The following NLGN1 variants were observed in gnomAD, a reference collection of about 807,000 sequenced individuals.
NLGN1 encodes neuroligin 1, also known as neuroligin-1.
In NLGN1, 12 loss-of-function variants were observed where a neutral mutation model predicts 65.5. That is an observed-to-expected ratio of 0.18 (90% CI 0.12 to 0.30). NLGN1 has a LOEUF of 0.30. NLGN1 is among the 10% of genes least tolerant of loss of function. The pLI is 1.00. For synonymous variants in NLGN1, 350 were observed against 359.5 expected, an observed-to-expected ratio of 0.97 and a Z score of 0.30; for missense variants, 750 against 1,007.1, an observed-to-expected ratio of 0.74 and a Z score of 3.46.
intron 2 of NLGN1, among the ~76,000 whole-genome samples, chr3:173,480,680 T>G (rs1727133534): frequency 6.6e-6 from 1 of 152,126 alleles, no homozygotes; most frequent in Admixed American, 6.6e-5. Flanking sequence ...CTCTAGGTAA[T>G]TCAACTAGGT....
intron 3 of NLGN1, among the ~76,000 whole-genome samples, chr3:173,731,104 T>G (rs1056294887): frequency 1.1e-4 from 16 of 152,090 alleles, no homozygotes; most frequent in African/African-American, 3.9e-4. Flanking sequence ...ACATAGAGTC[T>G]TAGATGACAA....
chr3:173,422,954 A>G (rs1715389119), intron 1 of NLGN1, among the ~76,000 whole-genome samples: 2 of 152,180 alleles, frequency 1.3e-5, no homozygotes, highest in African/African-American at 4.8e-5. Context: ...CGTAATTTAT[A>G]AAGGAATTCT....
intron 4 of NLGN1, among the ~76,000 whole-genome samples, chr3:174,269,993 G>C (rs979263377): frequency 3.3e-5 from 5 of 151,512 alleles, no homozygotes; most frequent in African/African-American, 1.2e-4. Flanking sequence ...CTATTTAAGT[G>C]CTTTGCCCAT....
intron 2 of NLGN1, among the ~76,000 whole-genome samples, chr3:173,579,171 G>A (rs1746000628): frequency 6.6e-6 from 1 of 152,186 alleles, no homozygotes; most frequent in South Asian, 2.1e-4. Flanking sequence ...TTTCAAAAGT[G>A]GCAGTCTCAT....
At chr3:173,592,314 C>T (rs142221286) in intron 2 of NLGN1, among the ~76,000 whole-genome samples, 154 of 152,260 alleles carry the variant, frequency 1.0e-3, no homozygotes, top group African/African-American at 3.0e-3. Context: ...AATATTTCGC[C>T]ATTAGTTGTA....
intron 3 of NLGN1, among the ~76,000 whole-genome samples, chr3:173,639,184 C>A (rs78873692): frequency 0.049 from 7,428 of 152,242 alleles, 401 homozygotes; most frequent in African/African-American, 0.12. Flanking sequence ...AATATTCAAG[C>A]AATAAACAAT....
intron 2 of NLGN1, among the ~76,000 whole-genome samples, chr3:173,548,895 C>T (rs1394137078): frequency 6.6e-6 from 1 of 151,878 alleles, no homozygotes; most frequent in Non-Finnish European, 1.5e-5. Context: ...CACGGTACCA[C>T]TAAAAAATAA....
intron 4 of NLGN1, among the ~76,000 whole-genome samples, chr3:173,820,193 A>G (rs1249550149): frequency 1.3e-5 from 2 of 150,844 alleles, no homozygotes; most frequent in African/African-American, 4.9e-5. Context: ...AAAAAAAAAA[A>G]AAAAAAAAAA....
chr3:173,664,370 C>G (rs999491245), intron 3 of NLGN1, among the ~76,000 whole-genome samples: 3 of 151,970 alleles, frequency 2.0e-5, no homozygotes, highest in Non-Finnish European at 4.4e-5. Flanking sequence ...GATGATTCTT[C>G]CTAGTAATGA....
rs549347755 is a variant in NLGN1, at chr3:173,930,664, G to A, written c.646+122832G>A. On this transcript the variant is annotated intron_variant, in intron 4 of 6. Transcript: ENST00000457714. ...CCAAAATACGAATTAAGAAAATGAAGTGTTAATTCAATTGTCATATTCATC... is the reference window on the plus strand; with the variant it reads ...CCAAAATACGAATTAAGAAAATGAAATGTTAATTCAATTGTCATATTCATC... Among the ~76,000 whole-genome samples, 3 of 152,262 alleles carry A rather than the reference G, an allele frequency of 2.0e-5. No individual in the cohort carries two copies. The South Asian group carries it at 6.2e-4, about 32-fold the overall frequency.
chr3:173,408,687 C>T (rs1039248316), intron 1 of NLGN1, among the ~76,000 whole-genome samples: 15 of 152,068 alleles, frequency 9.9e-5, no homozygotes, highest in Non-Finnish European at 1.6e-4. Context: ...CCGAGGCGGG[C>T]GGATCACAGG....
intron 4 of NLGN1, among the ~76,000 whole-genome samples, chr3:174,155,389 T>C (rs1725255775): frequency 6.6e-6 from 1 of 151,846 alleles, no homozygotes; most frequent in African/African-American, 2.4e-5. Flanking sequence ...CAGTGTTTGA[T>C]GGTATGAATC....
chr3:173,849,498 C>CGT (rs1553870258), intron 4 of NLGN1, among the ~76,000 whole-genome samples: 1 of 151,854 alleles, frequency 6.6e-6, no homozygotes, highest in Non-Finnish European at 1.5e-5. Context: ...GCAGAGGTCA[C>CGT]GTTACTAGAA....
intron 4 of NLGN1, among the ~76,000 whole-genome samples, chr3:174,134,172 T>G (rs906594672): frequency 1.3e-5 from 2 of 152,158 alleles, no homozygotes; most frequent in African/African-American, 4.8e-5. Context: ...AATTACTGAC[T>G]TAAGTAAACA....
intron 4 of NLGN1, among the ~76,000 whole-genome samples, chr3:173,814,996 TTTCTC>T (rs1031642182): frequency 6.6e-6 from 1 of 151,972 alleles, no homozygotes; most frequent in African/African-American, 2.4e-5. Flanking sequence ...TTTCTTTTCT[TTTCTC>T]TTCTCTTTTC....
chr3:173,493,961 A>T (rs1729595109), intron 2 of NLGN1, among the ~76,000 whole-genome samples: 1 of 151,848 alleles, frequency 6.6e-6, no homozygotes, highest in Admixed American at 6.6e-5. Context: ...CCTCAGATTC[A>T]GCGATTACTG....
At chr3:173,553,691 G>T (rs1248337324) in intron 2 of NLGN1, among the ~76,000 whole-genome samples, 1 of 152,222 alleles carries the variant, frequency 6.6e-6, no homozygotes, top group Non-Finnish European at 1.5e-5. Flanking sequence ...AGTGAAAAGA[G>T]AACTGTTTGA....
intron 4 of NLGN1, among the ~76,000 whole-genome samples, chr3:174,064,514 C>T (rs1233640037): frequency 1.3e-5 from 2 of 151,340 alleles, no homozygotes; most frequent in Non-Finnish European, 2.9e-5. Flanking sequence ...CTTAACCTCT[C>T]TATGCCTTAG....
intron 4 of NLGN1, among the ~76,000 whole-genome samples, chr3:174,024,707 T>C (rs766126615): frequency 1.4e-4 from 22 of 152,194 alleles, no homozygotes; most frequent in Non-Finnish European, 2.8e-4. Flanking sequence ...AAAAGTCAGA[T>C]TGCCTGAAAG....
Sources: allele counts gnomAD v4.1 joint callset (sites outside exome capture counted in the v4.1 genomes callset), GRCh38; gene constraint gnomAD v4.1.1; transcripts MANE v1.5; gene names NCBI Gene and HGNC (gene_info 2026-07-23, HGNC 2026-07-21).